Variants in ANKRD26 observed in about 807,000 individuals in gnomAD.
The protein encoded by ANKRD26 is ankyrin repeat domain-containing protein 26.
In ANKRD26, 141 loss-of-function variants were observed where a neutral mutation model predicts 208.7. The observed-to-expected ratio is 0.68, with a 90% confidence interval of 0.59 to 0.78. The LOEUF (loss-of-function observed/expected upper bound fraction) is 0.78, where lower values mean the gene tolerates loss of function less well. Among genes scored for constraint, ANKRD26 ranks in the 30% least tolerant of loss-of-function variants. The pLI is 0.00. For missense variants in ANKRD26, 1,889 were observed against 1,938.7 expected (o/e 0.97, Z 0.48); for synonymous variants, 636 against 660.4 (o/e 0.96, Z 0.57).
chr10:27,064,933 C>A (rs997672520), intron 11 of ANKRD26, among the ~76,000 whole-genome samples: 8 of 152,064 alleles, frequency 5.3e-5, no homozygotes, highest in Non-Finnish European at 1.2e-4. Context: ...CTTTTCTATG[C>A]CCTATAATAA....
downstream of ANKRD26, among the ~76,000 whole-genome samples, chr10:26,999,807 CAAAA>C (rs68192322): frequency 8.9e-3 from 666 of 74,772 alleles, 5 homozygotes; most frequent in African/African-American, 0.028. Flanking sequence ...CAAAACCAAC[CAAAA>C]AAAAAAAAAA....
At chr10:27,051,611 A>AT (rs2054662353) in intron 16 of ANKRD26, 6 of 985,086 alleles carry the variant, frequency 6.1e-6, no homozygotes, top group Non-Finnish European at 7.2e-6. Context: ...GGCCTAATTT[A>AT]TTTTCATTTA....
chr10:27,097,590 C>A (rs2056509224), intron 1 of ANKRD26, among the ~76,000 whole-genome samples: 1 of 148,754 alleles, frequency 6.7e-6, no homozygotes, highest in African/African-American at 2.5e-5. Context: ...AAATAAAATT[C>A]TTATAAAGTA....
chr10:26,977,985 T>C (rs2052251980), intron 5 of ANKRD26, among the ~76,000 whole-genome samples: 1 of 152,204 alleles, frequency 6.6e-6, no homozygotes, highest in African/African-American at 2.4e-5. Context: ...GAATAAAGCT[T>C]TGAATGCTTC....
At chr10:26,979,845 C>T (rs1458566990) in intron 5 of ANKRD26, among the ~76,000 whole-genome samples, 3 of 152,016 alleles carry the variant, frequency 2.0e-5, no homozygotes, top group Admixed American at 6.5e-5. Flanking sequence ...GTCCTCAGAC[C>T]GAGAGGGCTT....
intron 3 of ANKRD26, among the ~76,000 whole-genome samples, chr10:26,984,922 G>C (rs953202769): frequency 6.6e-6 from 1 of 152,116 alleles, no homozygotes; most frequent in African/African-American, 2.4e-5. Flanking sequence ...AAATGTTGAA[G>C]TACGAGGAAA....
chr10:26,983,809 G>A (rs1725613209), intron 3 of ANKRD26, among the ~76,000 whole-genome samples: 1 of 152,080 alleles, frequency 6.6e-6, no homozygotes, highest in Non-Finnish European at 1.5e-5. Context: ...CTTTTCAATG[G>A]GCTAATGATA....
intron 22 of ANKRD26, 40 bp from the exon 23 acceptor site, chr10:27,037,363 A>T: frequency 6.2e-7 from 1 of 1,608,904 alleles, no homozygotes; most frequent in Non-Finnish European, 8.5e-7. Flanking sequence ...AGCATTTTGT[A>T]AAAGTCTAAA....
chr10:27,012,039 T>C (rs879590055), intron 32 of ANKRD26, among the ~76,000 whole-genome samples: 1 of 152,226 alleles, frequency 6.6e-6, no homozygotes, highest in Non-Finnish European at 1.5e-5. Flanking sequence ...AATTAATCAG[T>C]GTTAGAGTTT....
chr10:27,035,626 A>G lies in ANKRD26; in HGVS notation c.2824T>C (p.Cys942Arg), dbSNP rs1564375181. Residue 942 changes from cysteine to arginine, a missense_variant, in exon 24 of 34, where the codon TGT becomes CGT. By Grantham distance (180) the Cys-to-Arg change is radical (BLOSUM62 -3). Around this residue, in one of 3 missense-constraint regions of ANKRD26, gnomAD observed 1,272 missense variants for 1,273.8 expected, o/e 1.00. Coordinates refer to ENST00000376087, the MANE Select transcript of ANKRD26 (RefSeq NM_014915.3). ...KNQNQEKEKK[C>R]FEDLKIVKEK... is the part of the protein sequence containing the mutation. ...TTTACAATTTTAAGGTCCTCAAAAC[A>G]TTTCTTTTCTTTTTCCTGGTTTTGA... 9.4e-6 allele frequency: 15 copies of G among 1,592,526 alleles called. No homozygotes were observed. In the South Asian group the frequency reaches 1.5e-4, roughly 16 times the overall value.
At position 27,035,739 on chromosome 10, in the gene ANKRD26, T is replaced by C. The variant is rs1267455794; in HGVS notation, c.2711A>G (p.His904Arg). Residue 904 changes from histidine (H) to arginine (R), a missense_variant, in exon 24 of 34, where the codon CAT becomes CGT. Around this residue, in one of 3 missense-constraint regions of ANKRD26, gnomAD observed 1,272 missense variants for 1,273.8 expected, o/e 1.00. Transcript: ENST00000376087. ...ATGCGATAGGTCTTTTTCTTCTTCATGACTATGAGAATTCTAAGTAAAACA... is the reference window on the plus strand; with the variant it reads ...ATGCGATAGGTCTTTTTCTTCTTCACGACTATGAGAATTCTAAGTAAAACA... ...KKMNSENSHSHEEEKDLSHKN... is the reference protein window; with the variant it reads ...KKMNSENSHSREEEKDLSHKN... 3 of 1,605,988 alleles carry C rather than the reference T, an allele frequency of 1.9e-6. No individual in the cohort carries two copies. The highest frequency in any genetic ancestry group is 2.6e-6 in the Non-Finnish European group (3 of 1,175,226).
chr10:27,076,764 C>T (rs922718121), intron 9 of ANKRD26, among the ~76,000 whole-genome samples: 2 of 151,818 alleles, frequency 1.3e-5, no homozygotes, highest in African/African-American at 4.8e-5. Flanking sequence ...TGAAAAATTC[C>T]GGGAAACACG....
At chr10:26,973,027 T>C (rs1311260540), downstream of ANKRD26, among the ~76,000 whole-genome samples, 1 of 152,076 alleles carries the variant, frequency 6.6e-6, no homozygotes, top group Non-Finnish European at 1.5e-5. Flanking sequence ...CCTGACCTCA[T>C]TTTTTTTAAA....
At chr10:26,971,688 A>G (rs879915481), downstream of ANKRD26, among the ~76,000 whole-genome samples, 3 of 151,656 alleles carry the variant, frequency 2.0e-5, no homozygotes, top group African/African-American at 4.8e-5. Flanking sequence ...AAAAAAAAAA[A>G]AAAAAGAAAA....
At chr10:27,057,649 A>G (rs2054884141) in intron 15 of ANKRD26, among the ~76,000 whole-genome samples, 1 of 152,206 alleles carries the variant, frequency 6.6e-6, no homozygotes, top group South Asian at 2.1e-4. Flanking sequence ...AGACAAAATG[A>G]TGGCCTTGGC....
chr10:26,987,649 C>A (rs1469922016), downstream of ANKRD26, among the ~76,000 whole-genome samples: 6 of 152,122 alleles, frequency 3.9e-5, no homozygotes, highest in African/African-American at 1.2e-4. Context: ...GGGGTTTTGT[C>A]AGAAGGGCCC....
chr10:26,963,364 G>C, the ANKRD26 span, among the ~76,000 whole-genome samples: 550 of 152,266 alleles, frequency 3.6e-3, 2 homozygotes, highest in African/African-American at 0.012. Context: ...CTGTACTAGA[G>C]CCACAAATTT....
chr10:26,993,298 C>T (rs749708746), intron 5 of ANKRD26, among the ~76,000 whole-genome samples: 5 of 152,192 alleles, frequency 3.3e-5, no homozygotes, highest in Non-Finnish European at 5.9e-5. Flanking sequence ...CCATTTACTG[C>T]TAGCCAATTA....
At chr10:26,968,876 T>C (rs1047109517), downstream of ANKRD26, among the ~76,000 whole-genome samples, 1 of 152,174 alleles carries the variant, frequency 6.6e-6, no homozygotes, top group Non-Finnish European at 1.5e-5. Context: ...AGTGCCTTAT[T>C]TGAGGCTTAG....
Sources: allele counts gnomAD v4.1 joint callset (sites outside exome capture counted in the v4.1 genomes callset), GRCh38; gene constraint gnomAD v4.1.1; regional missense constraint gnomAD v4.1.1; transcripts MANE v1.5; gene names NCBI Gene and HGNC (gene_info 2026-07-23, HGNC 2026-07-21).